The following CRPPA variants were observed in gnomAD, a reference collection of about 807,000 sequenced individuals.
The protein encoded by CRPPA is CDP-L-ribitol pyrophosphorylase A.
A neutral mutation model predicts 52.0 loss-of-function variants in CRPPA; 43 were observed. That is an observed-to-expected ratio of 0.83 (90% confidence interval 0.65 to 1.07). The LOEUF is 1.07. Ranked by LOEUF, CRPPA falls within the 50% of genes least tolerant of loss-of-function variation. The pLI, the probability that CRPPA is intolerant of heterozygous loss-of-function variation, is 0.00. For missense variants in CRPPA, 629 were observed against 551.7 expected (o/e 1.14, Z -1.40); for synonymous variants, 250 against 203.5 (o/e 1.23, Z -1.94).
chr7:16,342,798 T>TAG (rs1491461185), intron 3 of CRPPA, among the ~76,000 whole-genome samples: 35,046 of 101,192 alleles, frequency 0.35, 10,666 homozygotes, highest in Non-Finnish European at 0.41. Context: ...TATATATATA[T>TAG]CTATATAGAT....
At chr7:16,195,914 C>A (rs528765917) in intron 9 of CRPPA, among the ~76,000 whole-genome samples, 3 of 152,204 alleles carry the variant, frequency 2.0e-5, no homozygotes, top group East Asian at 3.9e-4. Context: ...GCCCTGCCAA[C>A]CCCCCTTCCC....
At chr7:16,108,059 A>G (rs1782192135) in intron 9 of CRPPA, among the ~76,000 whole-genome samples, 1 of 152,068 alleles carries the variant, frequency 6.6e-6, no homozygotes. Flanking sequence ...CCATTAAATC[A>G]CAAGAGAAGA....
rs182288278 is a variant in CRPPA, at chr7:16,151,932, C to A, written c.1252-60133G>T. Among the ~76,000 whole-genome samples the A allele has an allele frequency of 4.6e-4, 70 of 151,888 alleles. 1 individual carries two copies. The highest frequency in any genetic ancestry group is 1.6e-3 in the African/African-American group (68 of 41,494). ...TATCCCTGACTGAAAACATAGTGAG[C>A]AAATAAAAAAATTCACTCCAAAATT... On this transcript the variant is annotated intron_variant, in intron 9 of 9. Coordinates refer to ENST00000407010, the MANE Select transcript of CRPPA (RefSeq NM_001101426.4).
intron 9 of CRPPA, among the ~76,000 whole-genome samples, chr7:16,164,158 C>T (rs949804712): frequency 2.0e-5 from 3 of 152,282 alleles, no homozygotes; most frequent in African/African-American, 7.2e-5. Flanking sequence ...TCAAATGCAG[C>T]TTTGATGTTT....
chr7:16,107,552 G>T lies in CRPPA; in HGVS notation c.1252-15753C>A, dbSNP rs115425616. Among the ~76,000 whole-genome samples, 463 of 152,132 alleles carry T rather than the reference G, an allele frequency of 3.0e-3. 2 individuals are homozygous for T. The highest frequency in any genetic ancestry group is 0.011 in the African/African-American group (449 of 41,532). ...TATTTCAGAAATGAAGGAGAAATAA[G>T]AAGTTTCTCATAAAATAAAAGCAAA... On this transcript the variant is annotated intron_variant, in intron 9 of 9. Transcript: ENST00000407010.
chr7:16,265,478 G>A (rs1332238026), intron 6 of CRPPA, among the ~76,000 whole-genome samples: 1 of 152,058 alleles, frequency 6.6e-6, no homozygotes. Flanking sequence ...ATAGTGCAGT[G>A]GACACTGCCT....
intron 3 of CRPPA, among the ~76,000 whole-genome samples, chr7:16,325,787 T>C (rs1055690374): frequency 6.6e-6 from 1 of 152,036 alleles, no homozygotes; most frequent in Non-Finnish European, 1.5e-5. Flanking sequence ...AGATACCCTA[T>C]GAAACAAAGG....
intron 3 of CRPPA, among the ~76,000 whole-genome samples, chr7:16,337,853 T>C (rs924388569): frequency 6.6e-6 from 1 of 152,106 alleles, no homozygotes; most frequent in Non-Finnish European, 1.5e-5. Context: ...CTGCAATCAG[T>C]GCTAAGTTTC....
chr7:16,149,817 C>G (rs1340675861), intron 9 of CRPPA, among the ~76,000 whole-genome samples: 2 of 152,192 alleles, frequency 1.3e-5, no homozygotes, highest in South Asian at 4.2e-4. Flanking sequence ...GAAACCCCGT[C>G]TCTACTAAAA....
chr7:16,399,513 C>T (rs904916984), intron 2 of CRPPA, among the ~76,000 whole-genome samples: 2 of 148,386 alleles, frequency 1.3e-5, no homozygotes, highest in African/African-American at 5.0e-5. Context: ...CCAACGTGAC[C>T]AGAGCATGAT....
chr7:16,252,651 T>A (rs2128410258), intron 8 of CRPPA, among the ~76,000 whole-genome samples: 1 of 152,330 alleles, frequency 6.6e-6, no homozygotes, highest in Non-Finnish European at 1.5e-5. Flanking sequence ...CCTCATTTTC[T>A]ATTGATTGGA....
intron 9 of CRPPA, among the ~76,000 whole-genome samples, chr7:16,165,061 G>C (rs2128383307): frequency 6.6e-6 from 1 of 152,184 alleles, no homozygotes; most frequent in East Asian, 1.9e-4. Context: ...TTCACAGCTG[G>C]CAGGTAGGAA....
chr7:16,264,723 G>A (rs1783907457), intron 6 of CRPPA, among the ~76,000 whole-genome samples: 1 of 152,180 alleles, frequency 6.6e-6, no homozygotes, highest in African/African-American at 2.4e-5. Flanking sequence ...GACTTGTAGA[G>A]AGATGTATTT....
chr7:16,323,856 C>G (rs988793896), intron 3 of CRPPA, among the ~76,000 whole-genome samples: 1 of 152,148 alleles, frequency 6.6e-6, no homozygotes, highest in Non-Finnish European at 1.5e-5. Context: ...AAATATATTA[C>G]CAGTGTTATT....
At chr7:16,148,587 G>A (rs1783018257) in intron 9 of CRPPA, among the ~76,000 whole-genome samples, 1 of 151,978 alleles carries the variant, frequency 6.6e-6, no homozygotes, top group Admixed American at 6.6e-5. Flanking sequence ...CTAAAACAAT[G>A]AGCTCATATA....
chr7:16,245,152 G>A (rs973054508), intron 8 of CRPPA, among the ~76,000 whole-genome samples: 12 of 152,112 alleles, frequency 7.9e-5, no homozygotes, highest in East Asian at 3.9e-4. Flanking sequence ...TGAAGTGCCT[G>A]ATAGGCAATT....
At chr7:16,275,874 A>G (rs934300184) in intron 6 of CRPPA, among the ~76,000 whole-genome samples, 9 of 151,906 alleles carry the variant, frequency 5.9e-5, no homozygotes, top group African/African-American at 7.2e-5. Context: ...AAGAAAGAAA[A>G]AAAAAGACTA....
At chr7:16,166,325 G>A (rs1208412149) in intron 9 of CRPPA, among the ~76,000 whole-genome samples, 1 of 151,966 alleles carries the variant, frequency 6.6e-6, no homozygotes. Context: ...TGCTGCCCAG[G>A]CTAGAGTGCA....
At chr7:16,399,101 A>T (rs1787712526) in intron 2 of CRPPA, among the ~76,000 whole-genome samples, 3 of 152,188 alleles carry the variant, frequency 2.0e-5, no homozygotes, top group Admixed American at 6.5e-5. Context: ...GATAGACGTG[A>T]TCGTCATTTT....
Sources: allele counts gnomAD v4.1 joint callset (sites outside exome capture counted in the v4.1 genomes callset), GRCh38; gene constraint gnomAD v4.1.1; transcripts MANE v1.5; gene names NCBI Gene and HGNC (gene_info 2026-07-23, HGNC 2026-07-21).